The following P4HA1 variants were observed in gnomAD, a reference collection of about 807,000 sequenced individuals.
P4HA1 encodes the protein prolyl 4-hydroxylase subunit alpha-1.
A neutral mutation model predicts 72.8 loss-of-function variants in P4HA1; 24 were observed. The ratio of observed to expected loss-of-function variants is 0.33; its 90% CI spans 0.24 to 0.46. The LOEUF is 0.46. Ranked by LOEUF, P4HA1 falls within the 20% of genes least tolerant of loss-of-function variation. The pLI, the probability that P4HA1 is intolerant of heterozygous loss-of-function variation, is 1.00. For synonymous variants in P4HA1, 201 were observed against 218.8 expected (o/e 0.92, Z 0.72); for missense variants, 446 against 640.6 (o/e 0.70, Z 3.28).
At chr10:73,015,394 G>C (rs1247613131) in intron 11 of P4HA1, among the ~76,000 whole-genome samples, 3 of 152,150 alleles carry the variant, frequency 2.0e-5, no homozygotes, top group Non-Finnish European at 4.4e-5. Flanking sequence ...AATACAGGTT[G>C]AGCATACCAA....
At chr10:73,011,166 T>C (rs1839903271) in intron 12 of P4HA1, 129 bp from the exon 13 acceptor site, 1 of 609,186 alleles carries the variant, frequency 1.6e-6, no homozygotes, top group South Asian at 3.0e-5. Context: ...GCATGGTTGG[T>C]ACATGCTACT....
intron 5 of P4HA1, among the ~76,000 whole-genome samples, chr10:73,055,576 T>C (rs28692884): frequency 9.1e-4 from 139 of 152,332 alleles, no homozygotes; most frequent in African/African-American, 3.1e-3. Context: ...ATGGTGCACT[T>C]TTGAAACTGT....
chr10:73,078,030 C>T (rs1181069178), intron 1 of P4HA1, among the ~76,000 whole-genome samples: 1 of 141,206 alleles, frequency 7.1e-6, no homozygotes, highest in Non-Finnish European at 1.5e-5. Context: ...CTATCAAAAG[C>T]CAGATGGAAT....
At chr10:73,010,844 C>T (rs908689886) in intron 13 of P4HA1, 125 bp downstream of exon 13, 14 of 676,240 alleles carry the variant, frequency 2.1e-5, no homozygotes, top group East Asian at 2.8e-5. Flanking sequence ...GGCAACAGAG[C>T]GAGAACAGGT....
chr10:73,092,651 C>A (rs1254612942), intron 1 of P4HA1, among the ~76,000 whole-genome samples: 1 of 148,336 alleles, frequency 6.7e-6, no homozygotes. Flanking sequence ...AGCCACCATG[C>A]CTGGGCAACA....
In P4HA1 at chr10:73,068,936, C is replaced by T; in HGVS notation, c.373G>A (p.Glu125Lys). 1 of 1,612,272 alleles carries T rather than the reference C, an allele frequency of 6.2e-7. No individual in the cohort carries two copies. The highest frequency in any genetic ancestry group is 1.1e-5 in the South Asian group (1 of 91,020). Residue 125 changes from glutamate (E) to lysine (K), a missense_variant, in exon 5 of 15, where the codon GAA (glutamate) becomes AAA (lysine). Coordinates refer to ENST00000394890, the MANE Select transcript of P4HA1 (RefSeq NM_001017962.3). ...GCTTTGGCTGCCCCAACCTGATCTT[C>T]ATCATTAGGAAAGTACTGTCTCTGA... Reference protein sequence around the residue: ...TIQRQYFPNDEDQVGAAKALL... With the variant: ...TIQRQYFPNDKDQVGAAKALL...
chr10:73,058,818 C>T (rs115866139), intron 5 of P4HA1, among the ~76,000 whole-genome samples: 6,892 of 147,658 alleles, frequency 0.047, 525 homozygotes, highest in African/African-American at 0.16. Flanking sequence ...ACTCTGTTGC[C>T]CAGGCTAAAA....
chr10:73,064,606 T>A (rs942208646), intron 5 of P4HA1, among the ~76,000 whole-genome samples: 41 of 152,284 alleles, frequency 2.7e-4, no homozygotes, highest in African/African-American at 8.9e-4. Flanking sequence ...TTCGGGAGGC[T>A]GAGGTGGACG....
chr10:73,080,913 G>C (rs1430663858), intron 1 of P4HA1, among the ~76,000 whole-genome samples: 2 of 152,144 alleles, frequency 1.3e-5, no homozygotes, highest in Non-Finnish European at 2.9e-5. Flanking sequence ...GGGCAACAGA[G>C]CGAGACTCCA....
intron 9 of P4HA1, among the ~76,000 whole-genome samples, chr10:73,031,289 G>A (rs1840427071): frequency 6.6e-6 from 1 of 152,140 alleles, no homozygotes; most frequent in Admixed American, 6.6e-5. Flanking sequence ...TTTGAGACCA[G>A]CCTGGGCAAT....
intron 7 of P4HA1, among the ~76,000 whole-genome samples, chr10:73,049,686 T>C (rs1223835531): frequency 6.6e-6 from 1 of 152,208 alleles, no homozygotes; most frequent in Non-Finnish European, 1.5e-5. Flanking sequence ...TAGATATATT[T>C]TAAAGAAATA....
At chr10:73,037,204 A>C (rs1176725353) in intron 9 of P4HA1, among the ~76,000 whole-genome samples, 1 of 151,578 alleles carries the variant, frequency 6.6e-6, no homozygotes, top group Non-Finnish European at 1.5e-5. Context: ...AATAGCCCAA[A>C]GTATGTTCCT....
chr10:73,016,759 A>G (rs2133038956), intron 11 of P4HA1, 87 bp downstream of exon 11: 1 of 969,452 alleles, frequency 1.0e-6, no homozygotes. Context: ...CCTGGGTGAC[A>G]GAGTGAGACT....
At chr10:73,056,916 C>T (rs1215846292) in intron 5 of P4HA1, among the ~76,000 whole-genome samples, 2 of 151,300 alleles carry the variant, frequency 1.3e-5, no homozygotes, top group African/African-American at 2.4e-5. Flanking sequence ...AAAACTTCGC[C>T]GGGCGTGGTG....
At chr10:73,013,657 CT>C (rs903904506) in intron 12 of P4HA1, among the ~76,000 whole-genome samples, 30 of 152,070 alleles carry the variant, frequency 2.0e-4, no homozygotes, top group Non-Finnish European at 3.7e-4. Context: ...ACAATCAAAA[CT>C]TTTTTCCATA....
rs71021546 is a variant in P4HA1, at chr10:73,070,142, C to CTTTTTTTTTT, written c.326-1169_326-1160dup. 4.0e-4 allele frequency among the ~76,000 whole-genome samples: 26 copies of CTTTTTTTTTT among 64,502 alleles called. 2 individuals carry two copies. The highest frequency in any genetic ancestry group is 9.5e-4 in the African/African-American group (15 of 15,812). The allele number at this position is 64,502 out of a possible 152,430, so 42.3% of individuals were successfully genotyped here. A position where few individuals can be genotyped will look rare whatever the true frequency, so the allele number is the denominator to read the frequency against. The stretch of plus-strand genomic sequence containing the variant: ...TATTTTGAACAGCAAGAGACCAGGC[C>CTTTTTTTTTT]TTTTTTTTTTTTTTTTTTTTTTTTT... On this transcript the variant is annotated intron_variant, in intron 4 of 14. Coordinates refer to ENST00000394890, the MANE Select transcript of P4HA1 (RefSeq NM_001017962.3).
chr10:73,037,548 TATATATATATATATATA>T (rs1564624830), intron 9 of P4HA1, among the ~76,000 whole-genome samples: 3 of 28,838 alleles, frequency 1.0e-4, no homozygotes, highest in African/African-American at 4.2e-4. Context: ...TATATATATA[TATATATATATATATATA>T]TATATATTTT....
intron 9 of P4HA1, among the ~76,000 whole-genome samples, chr10:73,034,217 A>G (rs953677775): frequency 5.3e-5 from 8 of 152,214 alleles, no homozygotes; most frequent in Non-Finnish European, 8.8e-5. Context: ...CTATCTCTAA[A>G]AAAATAAAAA....
intron 5 of P4HA1, 88 bp downstream of exon 5, chr10:73,068,758 C>T: frequency 9.4e-7 from 1 of 1,061,838 alleles, no homozygotes; most frequent in Non-Finnish European, 1.4e-6. Flanking sequence ...TCTTAAAATG[C>T]AAGTCTTTTT....
Sources: allele counts gnomAD v4.1 joint callset (sites outside exome capture counted in the v4.1 genomes callset), GRCh38; gene constraint gnomAD v4.1.1; transcripts MANE v1.5; gene names NCBI Gene and HGNC (gene_info 2026-07-23, HGNC 2026-07-21).